The following ICA1 variants were observed in gnomAD, a reference collection of about 807,000 sequenced individuals.
ICA1 encodes the protein islet cell autoantigen 1, also known as 69 kDa islet cell autoantigen.
A neutral mutation model predicts 71.0 loss-of-function variants in ICA1; 40 were observed. That is an observed-to-expected ratio of 0.56 (90% CI 0.44 to 0.73). The LOEUF is 0.73. Ranked by LOEUF, ICA1 falls within the 30% of genes least tolerant of loss-of-function variation. The pLI, the probability that ICA1 is intolerant of heterozygous loss-of-function variation, is 0.00. For synonymous variants in ICA1, 207 were observed against 209.5 expected (o/e 0.99, Z 0.10); for missense variants, 578 against 576.5 (o/e 1.00, Z -0.03).
intron 1 of ICA1, among the ~76,000 whole-genome samples, chr7:8,241,903 C>G (rs1049981823): frequency 2.6e-5 from 4 of 152,160 alleles, no homozygotes; most frequent in African/African-American, 9.7e-5. Context: ...CAAGAGCACC[C>G]AGATTCATAA....
At position 8,194,801 on chromosome 7, in the gene ICA1, T is replaced by C. The variant is rs1443790372; in HGVS notation, c.579+23504A>G. Among the ~76,000 whole-genome samples the C allele has an allele frequency of 3.9e-5, 6 of 152,282 alleles. No homozygotes were observed. In the South Asian group the frequency reaches 6.2e-4, roughly 16 times the overall value. ...TTTTTGACACACAGGGAAATGCTTA[T>C]GATAAATGGAAGCCCTTTAAATGTA... On this transcript the variant is annotated intron_variant, in intron 6 of 13. Transcript: ENST00000402384.
intron 7 of ICA1, 92 bp from the exon 8 acceptor site, chr7:8,157,306 A>G: frequency 8.3e-7 from 1 of 1,204,440 alleles, no homozygotes; most frequent in Non-Finnish European, 1.2e-6. Context: ...AGCTTTGAAG[A>G]TTCTTTAAAG....
chr7:8,261,398 G>A (rs1424916571), intron 1 of ICA1, among the ~76,000 whole-genome samples: 2 of 152,154 alleles, frequency 1.3e-5, no homozygotes, highest in African/African-American at 4.8e-5. Context: ...AGCTGCAATA[G>A]CCCCGGAGCA....
chr7:8,125,767 A>G (rs899055623), intron 13 of ICA1, among the ~76,000 whole-genome samples: 1 of 152,188 alleles, frequency 6.6e-6, no homozygotes, highest in Admixed American at 6.5e-5. Context: ...GAGACTTGCT[A>G]AAGTGCTAGT....
intron 13 of ICA1, among the ~76,000 whole-genome samples, chr7:8,124,273 A>T (rs1363563887): frequency 5.3e-5 from 8 of 151,788 alleles, no homozygotes; most frequent in African/African-American, 1.9e-4. Context: ...GGCACGCACC[A>T]GCATGCCCAG....
At chr7:8,116,684 A>G (rs1022098463) in intron 13 of ICA1, 8 of 152,222 alleles carry the variant, frequency 5.3e-5, no homozygotes, top group African/African-American at 1.9e-4. Flanking sequence ...TCTGTCACAA[A>G]TGGGGAAAAG....
chr7:8,147,571 G>C (rs779893835), intron 8 of ICA1, among the ~76,000 whole-genome samples: 13 of 151,772 alleles, frequency 8.6e-5, no homozygotes, highest in Non-Finnish European at 1.8e-4. Flanking sequence ...GAGCTCCTTA[G>C]CTAGGAAATT....
rs538050593 is a variant in ICA1, at chr7:8,189,689, C to T, written c.579+28616G>A. Among the ~76,000 whole-genome samples, 6 of 152,214 alleles carry T rather than the reference C, an allele frequency of 3.9e-5. No individual in the cohort carries two copies. The South Asian group carries it at 1.0e-3, about 26-fold the overall frequency. On this transcript the variant is annotated intron_variant, in intron 6 of 13. Transcript: ENST00000402384. Reference sequence around the variant, plus strand: ...GCCTCACTGAACCCCCAGCTCCGAGCCTGCAGTCCGAGGGGCAGGTGGGCA... The same window carrying T: ...GCCTCACTGAACCCCCAGCTCCGAGTCTGCAGTCCGAGGGGCAGGTGGGCA...
At chr7:8,236,543 GAAAC>G (rs753415791) in intron 1 of ICA1, among the ~76,000 whole-genome samples, 7 of 152,058 alleles carry the variant, frequency 4.6e-5, no homozygotes, top group Non-Finnish European at 1.0e-4. Context: ...CATTTTTAAA[GAAAC>G]AAACCAGCAC....
At chr7:8,179,255 T>C (rs1781481269) in intron 6 of ICA1, among the ~76,000 whole-genome samples, 1 of 152,188 alleles carries the variant, frequency 6.6e-6, no homozygotes, top group Non-Finnish European at 1.5e-5. Context: ...GTCATAGACT[T>C]GTGGGTGTCT....
intron 6 of ICA1, among the ~76,000 whole-genome samples, chr7:8,166,081 A>C (rs969960633): frequency 1.3e-5 from 2 of 152,224 alleles, no homozygotes; most frequent in African/African-American, 4.8e-5. Context: ...AAGCAAAACG[A>C]ACAAAGCAGT....
chr7:8,224,609 T>C (rs897154242), intron 4 of ICA1, among the ~76,000 whole-genome samples: 1 of 152,194 alleles, frequency 6.6e-6, no homozygotes, highest in Admixed American at 6.5e-5. Flanking sequence ...CATGGCACAA[T>C]AATCAACATT....
Position 8,221,413 on chromosome 7 carries a change from A to T in ICA1, c.257-15T>A. ...TTGAGACAAGACTGATGAAGAAAAG[A>T]CCAAAAGGAGCCATGAACAATGAGC... On this transcript the variant is annotated splice_polypyrimidine_tract_variant and intron_variant, in intron 4 of 13. Transcript: ENST00000402384. 6.2e-7 allele frequency: 1 copy of T among 1,612,858 alleles called. No individual in the cohort carries two copies. The highest frequency in any genetic ancestry group is 8.5e-7 in the Non-Finnish European group (1 of 1,179,116).
chr7:8,261,452 G>C (rs540960067), intron 1 of ICA1, among the ~76,000 whole-genome samples: 2 of 152,290 alleles, frequency 1.3e-5, no homozygotes, highest in East Asian at 3.9e-4. Context: ...GGGCGCGCCA[G>C]GGTTTGCTGG....
At chr7:8,179,227 A>G (rs1014663675) in intron 6 of ICA1, among the ~76,000 whole-genome samples, 6 of 152,338 alleles carry the variant, frequency 3.9e-5, no homozygotes, top group African/African-American at 1.4e-4. Flanking sequence ...CACAAAAGAA[A>G]AACTTCTATT....
chr7:8,148,698 G>T (rs1797844327), intron 8 of ICA1, among the ~76,000 whole-genome samples: 1 of 152,096 alleles, frequency 6.6e-6, no homozygotes, highest in Admixed American at 6.6e-5. Flanking sequence ...ATTTTCAAGG[G>T]ACATCACCAA....
intron 6 of ICA1, among the ~76,000 whole-genome samples, chr7:8,196,862 A>G (rs543653731): frequency 6.6e-6 from 1 of 152,228 alleles, no homozygotes; most frequent in East Asian, 1.9e-4. Flanking sequence ...GGTAGTGAAT[A>G]TATCTCACGA....
At chr7:8,206,627 C>T (rs549836346) in intron 6 of ICA1, among the ~76,000 whole-genome samples, 1 of 151,806 alleles carries the variant, frequency 6.6e-6, no homozygotes, top group South Asian at 2.1e-4. Flanking sequence ...ACCTCAACCT[C>T]ATTCTTAGCT....
At chr7:8,249,641 C>T (rs554920898) in intron 1 of ICA1, among the ~76,000 whole-genome samples, 8 of 152,166 alleles carry the variant, frequency 5.3e-5, no homozygotes, top group Admixed American at 2.0e-4. Flanking sequence ...TACTAATTTA[C>T]GTAACTTCTT....
Sources: allele counts gnomAD v4.1 joint callset (sites outside exome capture counted in the v4.1 genomes callset), GRCh38; gene constraint gnomAD v4.1.1; transcripts MANE v1.5; gene names NCBI Gene and HGNC (gene_info 2026-07-23, HGNC 2026-07-21).